COL21A1: variants seen among roughly 807,000 people sequenced by gnomAD.
COL21A1 encodes collagen alpha-1(XXI) chain.
A neutral mutation model predicts 137.9 loss-of-function variants in COL21A1; 149 were observed. The observed-to-expected ratio is 1.08, with a 90% confidence interval of 0.95 to 1.24. The LOEUF is 1.24. Among genes scored for constraint, COL21A1 ranks in the 50% most tolerant of loss-of-function variants. COL21A1 has a pLI of 0.00. For missense variants in COL21A1, 1,167 were observed against 1,158.4 expected, an observed-to-expected ratio of 1.01 and a Z score of -0.11; for synonymous variants, 456 against 391.5, an observed-to-expected ratio of 1.16 and a Z score of -1.95.
chr6:56,161,022 T>A lies in COL21A1; in HGVS notation c.1371+3401A>T, dbSNP rs187825076. Among the ~76,000 whole-genome samples, 30 of 152,258 alleles carry A rather than the reference T, an allele frequency of 2.0e-4. No homozygotes were observed. The East Asian group carries it at 5.8e-3, about 29-fold the overall frequency. On this transcript the variant is annotated intron_variant, in intron 9 of 29. Transcript: ENST00000244728. Reference sequence around the variant, plus strand: ...CAGAACCCAAGTACCACTCCCTGAATCTAGGAGGACTCTACTCAGTCTGAA... The same window carrying A: ...CAGAACCCAAGTACCACTCCCTGAAACTAGGAGGACTCTACTCAGTCTGAA...
At chr6:56,211,175 A>G (rs535550608) in intron 1 of COL21A1, among the ~76,000 whole-genome samples, 95 of 11,648 alleles carry the variant, frequency 8.2e-3, no homozygotes, top group African/African-American at 0.012. Context: ...ATATGTATAT[A>G]TACATATATA....
intron 29 of COL21A1, among the ~76,000 whole-genome samples, chr6:56,058,502 C>A (rs1765521289): frequency 6.6e-6 from 1 of 152,082 alleles, no homozygotes; most frequent in South Asian, 2.1e-4. Context: ...TGGTTTGGGC[C>A]ACTTCTTACT....
chr6:56,194,514 A>G (rs1408034074), intron 1 of COL21A1, among the ~76,000 whole-genome samples: 1 of 152,180 alleles, frequency 6.6e-6, no homozygotes, highest in Non-Finnish European at 1.5e-5. Context: ...ATCTCCTCAT[A>G]TGCTAACATG....
Position 56,242,313 on chromosome 6 carries a change from C to T in COL21A1, c.-39+5074G>A, listed in dbSNP as rs115063679. 6.3e-3 allele frequency among the ~76,000 whole-genome samples: 953 copies of T among 152,130 alleles called. 14 individuals carry two copies. Among genetic ancestry groups the T allele is most frequent in the African/African-American group, 0.021 (878 of 41,498 alleles). Reference sequence around the variant, plus strand: ...TTGAGTGCTTTTATTTACTCCATTACGTAATTAATGCAAAAGACTAAAATT... The same window carrying T: ...TTGAGTGCTTTTATTTACTCCATTATGTAATTAATGCAAAAGACTAAAATT... On this transcript the variant is annotated intron_variant, in intron 1 of 29. Transcript: ENST00000244728.
chr6:56,077,082 A>G (rs990381403), intron 18 of COL21A1, among the ~76,000 whole-genome samples: 9 of 151,434 alleles, frequency 5.9e-5, no homozygotes, highest in Admixed American at 5.9e-4. Context: ...AAAATCTTCA[A>G]TTTACTAAGA....
chr6:56,164,577 T>C lies in COL21A1; in HGVS notation c.1288-71A>G, dbSNP rs934860652. 8 of 1,144,156 alleles carry C rather than the reference T, an allele frequency of 7.0e-6. 1 individual carries two copies. The South Asian group carries it at 9.8e-5, about 14-fold the overall frequency. 70.9% of individuals were successfully genotyped at this position (1,144,156 alleles called of 1,614,324 possible). On this transcript the variant is annotated intron_variant, in intron 8 of 29. Coordinates refer to ENST00000244728, the MANE Select transcript of COL21A1 (RefSeq NM_030820.4). ...ATAAGTACATGCACACGTATGTTTATGCATTTATATATTTGTGTAAAATGG... is the reference window on the plus strand; with the variant it reads ...ATAAGTACATGCACACGTATGTTTACGCATTTATATATTTGTGTAAAATGG...
At chr6:56,254,745 C>T (rs1165087223) in intron 1 of COL21A1, among the ~76,000 whole-genome samples, 2 of 152,194 alleles carry the variant, frequency 1.3e-5, no homozygotes, top group Non-Finnish European at 1.5e-5. Context: ...ATTTTTATTA[C>T]TCCAGCTATT....
At chr6:56,270,506 C>T (rs1337683436) in intron 1 of COL21A1, among the ~76,000 whole-genome samples, 2 of 152,128 alleles carry the variant, frequency 1.3e-5, no homozygotes, top group Non-Finnish European at 2.9e-5. Context: ...TTAGACAGAC[C>T]ACTGAGGCAG....
At chr6:56,192,689 G>A (rs1431138140) in intron 1 of COL21A1, among the ~76,000 whole-genome samples, 1 of 152,162 alleles carries the variant, frequency 6.6e-6, no homozygotes, top group African/African-American at 2.4e-5. Context: ...AGAAACAACA[G>A]ATGCTGGAGA....
chr6:56,293,368 T>C (rs1764097622), intron 1 of COL21A1, among the ~76,000 whole-genome samples: 1 of 152,170 alleles, frequency 6.6e-6, no homozygotes, highest in African/African-American at 2.4e-5. Context: ...TCAGGTTTTT[T>C]AAAGTTTCCA....
At chr6:56,232,920 T>C (rs1781666438) in intron 1 of COL21A1, among the ~76,000 whole-genome samples, 1 of 151,872 alleles carries the variant, frequency 6.6e-6, no homozygotes, top group Admixed American at 6.6e-5. Context: ...CCATAGCCTA[T>C]ATTGCTGGGA....
At chr6:56,373,557 G>A (rs1050256817) in intron 1 of COL21A1, among the ~76,000 whole-genome samples, 1 of 152,134 alleles carries the variant, frequency 6.6e-6, no homozygotes, top group Non-Finnish European at 1.5e-5. Flanking sequence ...AGCTGAGATC[G>A]GGCCACTGTA....
chr6:56,316,051 T>A (rs1764724370), intron 1 of COL21A1, among the ~76,000 whole-genome samples: 2 of 152,208 alleles, frequency 1.3e-5, no homozygotes, highest in Non-Finnish European at 2.9e-5. Context: ...CTAATTGCTA[T>A]GCCATTGCTA....
At chr6:56,331,581 T>A (rs949946165) in intron 1 of COL21A1, among the ~76,000 whole-genome samples, 4 of 152,090 alleles carry the variant, frequency 2.6e-5, no homozygotes, top group African/African-American at 9.7e-5. Context: ...AAAGATCAGT[T>A]GGTTGTATGT....
intron 1 of COL21A1, among the ~76,000 whole-genome samples, chr6:56,231,542 G>A (rs536142486): frequency 3.3e-5 from 5 of 151,906 alleles, no homozygotes; most frequent in African/African-American, 1.2e-4. Flanking sequence ...TGTAAAACCA[G>A]GGGCTGAGAA....
chr6:56,168,512 C>T (rs1293584970), intron 5 of COL21A1, among the ~76,000 whole-genome samples: 1 of 152,028 alleles, frequency 6.6e-6, no homozygotes, highest in African/African-American at 2.4e-5. Flanking sequence ...TTACATATTT[C>T]AAAGAAACTG....
At chr6:56,156,806 G>T in intron 10 of COL21A1, 81 bp downstream of exon 10, 1 of 1,127,224 alleles carries the variant, frequency 8.9e-7, no homozygotes, top group Non-Finnish European at 1.3e-6. Flanking sequence ...TTCCTTGTCT[G>T]TTTAGATTTG....
intron 1 of COL21A1, among the ~76,000 whole-genome samples, chr6:56,353,397 C>T (rs1040494841): frequency 1.1e-4 from 16 of 152,144 alleles, no homozygotes; most frequent in Non-Finnish European, 2.4e-4. Flanking sequence ...CCACTTCCAG[C>T]TTCCAGCTAT....
At chr6:56,189,928 T>C (rs140005183) in intron 1 of COL21A1, among the ~76,000 whole-genome samples, 2,225 of 152,274 alleles carry the variant, frequency 0.015, 54 homozygotes, top group African/African-American at 0.051. Flanking sequence ...CTGAGAGATT[T>C]TATCACCACC....
Sources: gnomAD v4.1 joint callset for allele counts (sites outside exome capture counted in the v4.1 genomes callset) on GRCh38, gnomAD v4.1.1 for gene constraint, MANE v1.5 for transcripts, NCBI Gene and HGNC (gene_info 2026-07-23, HGNC 2026-07-21) for gene names.